Variants in L3MBTL3 observed in about 807,000 individuals in gnomAD.
The protein encoded by L3MBTL3 is L3MBTL histone methyl-lysine binding protein 3.
L3MBTL3 carries 27 observed loss-of-function variants against 102.3 expected under a neutral mutation model. The ratio of observed to expected loss-of-function variants is 0.26; its 90% confidence interval spans 0.19 to 0.36. L3MBTL3 has a LOEUF of 0.36. L3MBTL3 is among the 10% of genes least tolerant of loss of function. L3MBTL3 has a pLI of 1.00. For missense variants in L3MBTL3, 798 were observed against 955.3 expected (o/e 0.84, Z 2.17); for synonymous variants, 340 against 320.9 (o/e 1.06, Z -0.64).
intron 1 of L3MBTL3, among the ~76,000 whole-genome samples, chr6:130,020,279 G>A (rs1304161350): frequency 1.3e-5 from 2 of 151,118 alleles, no homozygotes; most frequent in Non-Finnish European, 3.0e-5. Context: ...ATCGGGAAGC[G>A]CAGGAGCCGA....
At chr6:130,028,386 G>A (rs1334799479) in intron 2 of L3MBTL3, among the ~76,000 whole-genome samples, 1 of 152,172 alleles carries the variant, frequency 6.6e-6, no homozygotes, top group African/African-American at 2.4e-5. Context: ...CCGCTGTAAT[G>A]ACTGATTTCA....
In L3MBTL3 at chr6:130,099,652, A is replaced by T. The variant is rs530087307; in HGVS notation, c.1737-4774A>T. 9.9e-5 allele frequency among the ~76,000 whole-genome samples: 15 copies of T among 152,282 alleles called. No individual in the cohort carries two copies. In the South Asian group the frequency reaches 3.1e-3, roughly 32 times the overall value. The stretch of plus-strand genomic sequence containing the variant: ...GCTTGTGAATTTTACCCTAATTTTT[A>T]TTCCAAGGGCTGGTTAATGGGAATA... On this transcript the variant is annotated intron_variant, in intron 18 of 22. Coordinates refer to ENST00000361794, the MANE Select transcript of L3MBTL3 (RefSeq NM_032438.4).
At chr6:130,134,010 G>C (rs964302386) in intron 22 of L3MBTL3, 105 bp downstream of exon 22, 11 of 877,006 alleles carry the variant, frequency 1.3e-5, no homozygotes, top group African/African-American at 8.3e-5. Flanking sequence ...AAGAGATGGG[G>C]TGTGTTGAAA....
chr6:130,058,693 G>A (rs184713630), intron 9 of L3MBTL3, among the ~76,000 whole-genome samples: 18 of 152,286 alleles, frequency 1.2e-4, no homozygotes, highest in African/African-American at 4.1e-4. Flanking sequence ...CTGTTGCAAC[G>A]ACTCAGTTAG....
chr6:130,139,344 G>A (rs1055286555), intron 22 of L3MBTL3, among the ~76,000 whole-genome samples: 20 of 152,202 alleles, frequency 1.3e-4, no homozygotes, highest in Non-Finnish European at 2.6e-4. Flanking sequence ...CTAATTCAGA[G>A]TAATCACAGG....
chr6:130,048,938 T>TA lies in L3MBTL3; in HGVS notation c.103-340dup, dbSNP rs1364920362. 2.7e-4 allele frequency among the ~76,000 whole-genome samples: 17 copies of TA among 63,916 alleles called. No individual in the cohort carries two copies. The East Asian group carries it at 5.2e-3, about 20-fold the overall frequency. The allele number at this position is 63,916 out of a possible 152,430, so 41.9% of individuals were successfully genotyped here. A position where few individuals can be genotyped will look rare whatever the true frequency, so the allele number is the denominator to read the frequency against. On this transcript the variant is annotated intron_variant, in intron 3 of 22. Coordinates refer to ENST00000361794, the MANE Select transcript of L3MBTL3 (RefSeq NM_032438.4). ...GACGTAAGAAAAAATAAGTCTTAGT[T>TA]AAAACACACACACACACACACACAC...
At chr6:130,114,021 G>A (rs1032836656) in intron 19 of L3MBTL3, among the ~76,000 whole-genome samples, 3 of 152,152 alleles carry the variant, frequency 2.0e-5, no homozygotes, top group Non-Finnish European at 2.9e-5. Context: ...GAATATCGGC[G>A]AAAGTAATTT....
intron 3 of L3MBTL3, among the ~76,000 whole-genome samples, chr6:130,048,260 A>G (rs1460191801): frequency 6.6e-6 from 1 of 152,222 alleles, no homozygotes; most frequent in Non-Finnish European, 1.5e-5. Context: ...TTTCTGTGAA[A>G]GATCTGAAAC....
chr6:130,060,548 A>G (rs1781822688), intron 10 of L3MBTL3, among the ~76,000 whole-genome samples: 1 of 152,080 alleles, frequency 6.6e-6, no homozygotes, highest in African/African-American at 2.4e-5. Flanking sequence ...ATATGAATAT[A>G]TATCTCAGTC....
chr6:130,139,488 G>A (rs901016682), intron 22 of L3MBTL3, 122 bp from the exon 23 acceptor site: 3 of 868,562 alleles, frequency 3.5e-6, no homozygotes, highest in African/African-American at 1.7e-5. Flanking sequence ...TTGCACACGT[G>A]AACTTCTCTG....
intron 1 of L3MBTL3, chr6:130,019,351 C>CG (rs1196077977): frequency 1.4e-5 from 2 of 146,198 alleles, no homozygotes; most frequent in African/African-American, 4.9e-5. Flanking sequence ...ATCGGTGCGG[C>CG]GGGAGGCGCG....
At chr6:130,029,558 A>G (rs9398933) in intron 2 of L3MBTL3, among the ~76,000 whole-genome samples, 18,285 of 152,142 alleles carry the variant, frequency 0.12, 1,408 homozygotes, top group East Asian at 0.21. Flanking sequence ...ACTAACAGCT[A>G]TTGACCTTAC....
chr6:130,022,966 C>T (rs1156809672), intron 2 of L3MBTL3, among the ~76,000 whole-genome samples: 2 of 152,102 alleles, frequency 1.3e-5, no homozygotes, highest in African/African-American at 4.8e-5. Flanking sequence ...TCTTTTAGGG[C>T]AAAGGTCATT....
chr6:130,039,482 A>G (rs1182418920), intron 2 of L3MBTL3, among the ~76,000 whole-genome samples: 1 of 152,006 alleles, frequency 6.6e-6, no homozygotes, highest in Non-Finnish European at 1.5e-5. Context: ...TCTAAATTTC[A>G]TACTTCCTTG....
At position 130,139,931 on chromosome 6, in the gene L3MBTL3, C is replaced by T. The variant is rs17633592; in HGVS notation, c.*178C>T. The T allele has an allele frequency of 0.043, 23,077 of 541,512 alleles. 626 individuals carry two copies. Among genetic ancestry groups the T allele is most frequent in the Non-Finnish European group, 0.059 (18,681 of 316,376 alleles). The allele number at this position is 541,512 out of a possible 1,614,324, so 33.5% of individuals were successfully genotyped here. On this transcript the variant is annotated 3_prime_UTR_variant, in exon 23 of 23. Transcript: ENST00000361794. ...ATGAATTCTTATGAAAGTGCTTGAGCTTTTAACCAGGTACTGTCTAACAAC... is the reference window on the plus strand; with the variant it reads ...ATGAATTCTTATGAAAGTGCTTGAGTTTTTAACCAGGTACTGTCTAACAAC...
rs1403585884 is a variant in L3MBTL3 at position 130,141,114 on chromosome 6, A to C, written c.*1361A>C. The C allele has an allele frequency of 6.6e-6, 1 of 152,288 alleles. No homozygotes were observed. Among genetic ancestry groups the C allele is most frequent in the Non-Finnish European group, 1.5e-5 (1 of 68,046 alleles). The allele number at this position is 152,288 out of a possible 1,614,324, so 9.4% of individuals were successfully genotyped here. ...TCCAGGATTGGATATTTATTCAAGGACTATTTTAAAAATAGAAAGTAAGTT... is the reference window on the plus strand; with the variant it reads ...TCCAGGATTGGATATTTATTCAAGGCCTATTTTAAAAATAGAAAGTAAGTT... On this transcript the variant is annotated 3_prime_UTR_variant, in exon 23 of 23. Transcript: ENST00000361794.
intron 20 of L3MBTL3, among the ~76,000 whole-genome samples, chr6:130,124,813 A>C (rs994227682): frequency 2.0e-5 from 3 of 152,068 alleles, no homozygotes; most frequent in Non-Finnish European, 4.4e-5. Flanking sequence ...TTTACTAAAA[A>C]TACGAAATCA....
At chr6:130,072,996 T>G (rs1782732515) in intron 13 of L3MBTL3, among the ~76,000 whole-genome samples, 1 of 152,202 alleles carries the variant, frequency 6.6e-6, no homozygotes, top group Non-Finnish European at 1.5e-5. Context: ...TACTGTTGAG[T>G]CTCACAGTTT....
chr6:130,129,620 T>G (rs1225522772), intron 20 of L3MBTL3, among the ~76,000 whole-genome samples: 1 of 152,130 alleles, frequency 6.6e-6, no homozygotes, highest in Non-Finnish European at 1.5e-5. Context: ...TCACATACCT[T>G]TGGTCAATTT....
Sources: gnomAD v4.1 joint callset for allele counts (sites outside exome capture counted in the v4.1 genomes callset) on GRCh38, gnomAD v4.1.1 for gene constraint, MANE v1.5 for transcripts, NCBI Gene and HGNC (gene_info 2026-07-23, HGNC 2026-07-21) for gene names.